The following ARID5B variants were observed in gnomAD, a reference collection of about 807,000 sequenced individuals.
ARID5B encodes AT-rich interaction domain 5B.
In ARID5B, 13 loss-of-function variants were observed where a neutral mutation model predicts 97.2. The observed-to-expected ratio is 0.13, with a 90% CI of 0.09 to 0.21. ARID5B has a LOEUF of 0.21. Among genes scored for constraint, ARID5B ranks in the 10% least tolerant of loss-of-function variants. ARID5B has a pLI of 1.00. For synonymous variants in ARID5B, 556 were observed against 570.3 expected (o/e 0.97, Z 0.36); for missense variants, 1,210 against 1,465.3 (o/e 0.83, Z 2.84).
chr10:61,902,282 A>G lies in ARID5B; in HGVS notation c.145A>G (p.Lys49Glu), dbSNP rs371476471. The part of the protein sequence containing the change: ...GDFFFVRCTP[K>E]DPICIAELQL... ...CTTTTTCTTTGTAAGATGTACGCCA[A>G]AGGATCCGATTTGCATAGCGGAGCT... Residue 49 changes from lysine to glutamate, a missense_variant, in exon 2 of 10, where the codon AAG becomes GAG. This residue lies in a region of ARID5B where 80 missense variants were observed against 133.2 expected (regional missense o/e 0.60). Coordinates refer to ENST00000279873, the MANE Select transcript of ARID5B (RefSeq NM_032199.3). 4.0e-5 allele frequency: 64 copies of G among 1,614,046 alleles called. No homozygotes were observed. Among genetic ancestry groups the G allele is most frequent in the Non-Finnish European group, 5.0e-5 (59 of 1,180,040 alleles).
At chr10:61,920,234 A>C (rs879427478) in intron 2 of ARID5B, among the ~76,000 whole-genome samples, 1 of 152,052 alleles carries the variant, frequency 6.6e-6, no homozygotes, top group Admixed American at 6.5e-5. Context: ...GGACAGGAGG[A>C]CAGGGTCTGC....
chr10:62,012,218 A>G (rs1221489967), intron 4 of ARID5B, among the ~76,000 whole-genome samples: 1 of 152,142 alleles, frequency 6.6e-6, no homozygotes, highest in Non-Finnish European at 1.5e-5. Context: ...AGCTCGCGTT[A>G]ACCATCACTT....
chr10:61,924,864 ACT>A (rs1483392142), intron 2 of ARID5B, among the ~76,000 whole-genome samples: 1 of 151,688 alleles, frequency 6.6e-6, no homozygotes, highest in Non-Finnish European at 1.5e-5. Flanking sequence ...TATGGGATAG[ACT>A]CTGCTGGATG....
chr10:62,058,803 T>C (rs1369254224), intron 6 of ARID5B, among the ~76,000 whole-genome samples: 1 of 152,208 alleles, frequency 6.6e-6, no homozygotes. Context: ...GGTAATCGTA[T>C]ATTAAAGTGG....
rs1477778114 is a variant in ARID5B, at chr10:62,092,722, T to C, written c.3259T>C (p.Cys1087Arg). The C allele has an allele frequency of 6.2e-7, 1 of 1,614,130 alleles. No individual in the cohort carries two copies. The highest frequency in any genetic ancestry group is 1.1e-5 in the South Asian group (1 of 91,072). ...IFPGLYSGSLCNSGLNSRLPA... is the reference protein window; with the variant it reads ...IFPGLYSGSLRNSGLNSRLPA... ...CCCAGGTCTGTATTCCGGGAGCCTG[T>C]GTAACTCGGGCCTCAACTCCAGGCT... The change falls in exon 10 of 10, where the codon TGT becomes CGT. Residue 1087 changes from cysteine (C) to arginine (R), a missense_variant. Physicochemically the swap from Cys to Arg is radical, Grantham distance 180 (BLOSUM62 -3). Coordinates refer to ENST00000279873, the MANE Select transcript of ARID5B (RefSeq NM_032199.3).
intron 3 of ARID5B, among the ~76,000 whole-genome samples, chr10:61,986,061 G>A (rs1372779464): frequency 6.6e-6 from 1 of 152,060 alleles, no homozygotes; most frequent in Non-Finnish European, 1.5e-5. Flanking sequence ...CCACTGGAGG[G>A]TCTCTGAGAG....
At chr10:62,030,554 G>A (rs755770236) in intron 4 of ARID5B, among the ~76,000 whole-genome samples, 3 of 152,210 alleles carry the variant, frequency 2.0e-5, no homozygotes, top group Non-Finnish European at 2.9e-5. Flanking sequence ...ATGGATGAGT[G>A]GGGGGCTGAA....
At chr10:61,905,134 T>C (rs140575132) in intron 2 of ARID5B, among the ~76,000 whole-genome samples, 3,442 of 152,334 alleles carry the variant, frequency 0.023, 113 homozygotes, top group African/African-American at 0.071. Flanking sequence ...ATTTGCAATG[T>C]GTAACTGAAA....
At chr10:61,981,987 G>A (rs1323887613) in intron 3 of ARID5B, among the ~76,000 whole-genome samples, 1 of 152,150 alleles carries the variant, frequency 6.6e-6, no homozygotes, top group Non-Finnish European at 1.5e-5. Flanking sequence ...AAGACAAATG[G>A]CATTTTAAGC....
chr10:61,964,079 G>A (rs1194036725), intron 3 of ARID5B, among the ~76,000 whole-genome samples: 1 of 152,162 alleles, frequency 6.6e-6, no homozygotes, highest in Admixed American at 6.5e-5. Context: ...ATAATCAGAT[G>A]TAGTGGGGAG....
chr10:62,014,036 G>A (rs1447877586), intron 4 of ARID5B, among the ~76,000 whole-genome samples: 1 of 151,966 alleles, frequency 6.6e-6, no homozygotes, highest in Non-Finnish European at 1.5e-5. Flanking sequence ...CATAGTCTTG[G>A]CTATTGTGAA....
intron 2 of ARID5B, among the ~76,000 whole-genome samples, chr10:61,937,650 C>T (rs1844328851): frequency 6.6e-6 from 1 of 152,150 alleles, no homozygotes. Context: ...TTATCCAGTG[C>T]TAATTCTCAG....
intron 7 of ARID5B, among the ~76,000 whole-genome samples, chr10:62,068,665 C>T (rs1231256622): frequency 2.0e-5 from 3 of 151,950 alleles, no homozygotes; most frequent in Non-Finnish European, 4.4e-5. Context: ...CACGCCCTGT[C>T]CCCTACACAT....
At chr10:62,029,027 C>T (rs534274793) in intron 4 of ARID5B, among the ~76,000 whole-genome samples, 14 of 151,588 alleles carry the variant, frequency 9.2e-5, no homozygotes, top group South Asian at 8.3e-4. Context: ...ATTTACAATA[C>T]GCACCACAGC....
At chr10:61,955,839 C>T (rs983093244) in intron 3 of ARID5B, among the ~76,000 whole-genome samples, 6 of 151,982 alleles carry the variant, frequency 3.9e-5, no homozygotes, top group Admixed American at 6.6e-5. Context: ...TTAGTAGAGA[C>T]GGGGTTTCGT....
At chr10:62,061,317 C>T (rs1210977622) in intron 7 of ARID5B, among the ~76,000 whole-genome samples, 1 of 152,156 alleles carries the variant, frequency 6.6e-6, no homozygotes, top group Non-Finnish European at 1.5e-5. Context: ...AAAATTTAGA[C>T]ATGAATGATG....
intron 4 of ARID5B, among the ~76,000 whole-genome samples, chr10:62,033,565 T>G (rs893587354): frequency 6.6e-6 from 1 of 152,204 alleles, no homozygotes; most frequent in Non-Finnish European, 1.5e-5. Context: ...CTCTACAAGG[T>G]GCTTACCTCT....
intron 4 of ARID5B, among the ~76,000 whole-genome samples, chr10:62,010,079 A>G (rs1839196835): frequency 6.6e-6 from 1 of 152,192 alleles, no homozygotes; most frequent in Non-Finnish European, 1.5e-5. Context: ...GAGTCCTCTC[A>G]CAGACCCCCA....
chr10:62,001,032 G>A (rs1839073365), intron 4 of ARID5B, among the ~76,000 whole-genome samples: 1 of 152,134 alleles, frequency 6.6e-6, no homozygotes, highest in Admixed American at 6.5e-5. Context: ...AGACAGAAGG[G>A]GAGGAGAAGA....
Sources: allele counts gnomAD v4.1 joint callset (sites outside exome capture counted in the v4.1 genomes callset), GRCh38; gene constraint gnomAD v4.1.1; regional missense constraint gnomAD v4.1.1; transcripts MANE v1.5; gene names NCBI Gene and HGNC (gene_info 2026-07-23, HGNC 2026-07-21).